The following WDR1 variants were observed in gnomAD, a reference collection of about 807,000 sequenced individuals.
WDR1 encodes the protein WD repeat-containing protein 1.
In WDR1, 21 loss-of-function variants were observed where a neutral mutation model predicts 71.9. The observed-to-expected ratio is 0.29, with a 90% CI of 0.21 to 0.42. The LOEUF is 0.42. Ranked by LOEUF, WDR1 falls within the 10% of genes least tolerant of loss-of-function variation. The probability of loss-of-function intolerance (pLI) is 1.00; values close to 1 mark genes in which losing one functional copy is unlikely to be tolerated. For missense variants in WDR1, 696 were observed against 824.5 expected, an observed-to-expected ratio of 0.84 and a Z score of 1.91; for synonymous variants, 424 against 347.4, an observed-to-expected ratio of 1.22 and a Z score of -2.45.
chr4:10,099,536 C>T (rs1040766110), intron 3 of WDR1, among the ~76,000 whole-genome samples: 4 of 152,384 alleles, frequency 2.6e-5, no homozygotes, highest in East Asian at 1.9e-4. Flanking sequence ...ATCAGAATGA[C>T]GTGTGGGCCT....
rs764864712 is a variant in WDR1 at position 10,116,185 on chromosome 4, G to T, written c.66C>A (p.Ile22=). ...LPQVERGVSK[I]IGGDPKGNNF... Reference sequence around the variant, plus strand: ...TGTTGCCCTTAGGGTCGCCGCCGATGATCTTGGAGACGCCCCTCTCCACCT... The same window carrying T: ...TGTTGCCCTTAGGGTCGCCGCCGATTATCTTGGAGACGCCCCTCTCCACCT... The change falls in exon 2 of 15, where the codon ATC becomes ATA. Residue 22 remains isoleucine (I), a synonymous_variant. Transcript: ENST00000499869. The T allele has an allele frequency of 5.0e-6, 8 of 1,613,664 alleles. No homozygotes were observed. The highest frequency in any genetic ancestry group is 1.3e-5 in the African/African-American group (1 of 74,938).
At chr4:10,093,218 G>T in intron 5 of WDR1, 1 of 1,175,808 alleles carries the variant, frequency 8.5e-7, no homozygotes, top group Non-Finnish European at 1.1e-6. Context: ...ATTCCCCCCA[G>T]CCTCAGCTGA....
intron 12 of WDR1, 194 bp downstream of exon 12, chr4:10,078,697 G>A (rs766126123): frequency 4.1e-5 from 22 of 537,102 alleles, no homozygotes; most frequent in Non-Finnish European, 5.9e-5. Context: ...GGAGGGGAGG[G>A]GAAGGCTCCA....
intron 8 of WDR1, among the ~76,000 whole-genome samples, chr4:10,085,096 G>A (rs1021095836): frequency 6.6e-6 from 1 of 152,234 alleles, no homozygotes; most frequent in African/African-American, 2.4e-5. Flanking sequence ...GCAGTGGAGG[G>A]CACACAAGGC....
chr4:10,106,203 G>A (rs1713006296), intron 2 of WDR1, among the ~76,000 whole-genome samples: 1 of 152,172 alleles, frequency 6.6e-6, no homozygotes, highest in African/African-American at 2.4e-5. Context: ...CATCTGTCAA[G>A]ATCCAAGCCA....
intron 8 of WDR1, among the ~76,000 whole-genome samples, chr4:10,086,679 G>A (rs900522704): frequency 1.3e-5 from 2 of 152,218 alleles, no homozygotes; most frequent in Non-Finnish European, 2.9e-5. Context: ...AGAGCTCCAC[G>A]GCAGCAGGAT....
intron 3 of WDR1, 41 bp from the exon 4 acceptor site, chr4:10,099,180 T>TGGGGGGGGG: frequency 2.3e-5 from 4 of 173,724 alleles, no homozygotes; most frequent in Non-Finnish European, 3.3e-5. Context: ...GAGGCGGTGG[T>TGGGGGGGGG]GGGGTAAAGG....
intron 3 of WDR1, among the ~76,000 whole-genome samples, chr4:10,100,251 G>A (rs1476581669): frequency 6.6e-6 from 1 of 152,218 alleles, no homozygotes; most frequent in Non-Finnish European, 1.5e-5. Context: ...GGGAGCAGGG[G>A]CCCTGGGTTC....
intron 2 of WDR1, chr4:10,106,350 T>C (rs893373376): frequency 2.6e-5 from 4 of 152,226 alleles, no homozygotes; most frequent in African/African-American, 9.7e-5. Context: ...CACTGACACA[T>C]CCCTACCCAA....
chr4:10,083,281 C>T (rs185521163), intron 9 of WDR1, 103 bp from the exon 10 acceptor site: 64 of 1,392,088 alleles, frequency 4.6e-5, no homozygotes, highest in Non-Finnish European at 5.2e-5. Context: ...ATGAGAATCT[C>T]GCCGCAAACG....
intron 9 of WDR1, among the ~76,000 whole-genome samples, 163 bp from the exon 10 acceptor site, chr4:10,083,341 T>C (rs916740026): frequency 3.2e-4 from 48 of 152,194 alleles, no homozygotes; most frequent in Admixed American, 6.5e-5. Flanking sequence ...GTTGACACGT[T>C]CTTAGGAAGG....
At chr4:10,093,644 C>A (rs1047472998) in intron 5 of WDR1, among the ~76,000 whole-genome samples, 1 of 152,240 alleles carries the variant, frequency 6.6e-6, no homozygotes, top group South Asian at 2.1e-4. Context: ...GTCCTTGGGG[C>A]ACCTACTGGC....
intron 2 of WDR1, among the ~76,000 whole-genome samples, chr4:10,113,893 G>C (rs1032083010): frequency 6.6e-6 from 1 of 152,218 alleles, no homozygotes; most frequent in Non-Finnish European, 1.5e-5. Flanking sequence ...CACAAATTTG[G>C]CTTGGAGTAT....
rs2109631480 is a variant in WDR1, at chr4:10,077,154, G to A, written c.1714+150C>T. 3 of 1,146,212 alleles carry A rather than the reference G, an allele frequency of 2.6e-6. No homozygotes were observed. The South Asian group carries it at 4.9e-5, about 19-fold the overall frequency. 71.0% of individuals were successfully genotyped at this position (1,146,212 alleles called of 1,614,324 possible). ...CAGCGCAGCTGGTGTTTGCTGGATGGAAGGAGACCCACAACTCTTCCGGGC... is the reference window on the plus strand; with the variant it reads ...CAGCGCAGCTGGTGTTTGCTGGATGAAAGGAGACCCACAACTCTTCCGGGC... On this transcript the variant is annotated intron_variant, in intron 14 of 14. Transcript: ENST00000499869.
At position 10,081,394 on chromosome 4, in the gene WDR1, C is replaced by G. The variant is rs1390512517; in HGVS notation, c.1247G>C (p.Gly416Ala). The change falls in exon 11 of 15, where the codon GGC (glycine) becomes GCC (alanine). Residue 416 changes from glycine (G) to alanine (A), a missense_variant. Coordinates refer to ENST00000499869, the MANE Select transcript of WDR1 (RefSeq NM_017491.5). ...CACGACCACGGCGTATCCCCCGGGGCCGACGGCTACGCACTTTGGCTGAAC... is the reference window on the plus strand; with the variant it reads ...CACGACCACGGCGTATCCCCCGGGGGCGACGGCTACGCACTTTGGCTGAAC... ...LDVQPKCVAVGPGGYAVVVCI... is the reference protein window; with the variant it reads ...LDVQPKCVAVAPGGYAVVVCI... 3 of 1,613,916 alleles carry G rather than the reference C, an allele frequency of 1.9e-6. No homozygotes were observed. The highest frequency in any genetic ancestry group is 2.5e-6 in the Non-Finnish European group (3 of 1,179,872).
chr4:10,091,143 G>C (rs1711949956), intron 5 of WDR1, among the ~76,000 whole-genome samples: 1 of 152,282 alleles, frequency 6.6e-6, no homozygotes, highest in South Asian at 2.1e-4. Context: ...CTAGGAGATG[G>C]AACGGGGAAC....
chr4:10,112,371 ACAGT>A (rs1248207507), intron 2 of WDR1, among the ~76,000 whole-genome samples: 1 of 152,172 alleles, frequency 6.6e-6, no homozygotes. Flanking sequence ...TCTCTCAAAC[ACAGT>A]GTACATATGG....
Position 10,088,333 on chromosome 4 carries a change from G to A in WDR1, c.677C>T (p.Ala226Val), listed in dbSNP as rs781406373. The A allele has an allele frequency of 8.3e-6, 13 of 1,559,288 alleles. No homozygotes were observed. The highest frequency in any genetic ancestry group is 1.9e-5 in the Admixed American group (1 of 52,478). The change falls in exon 7 of 15, where the codon GCG becomes GTG. Residue 226 changes from alanine (A) to valine (V), a missense_variant. Ala to Val is a moderately conservative substitution (Grantham distance 64, BLOSUM62 0). Transcript: ENST00000499869. The part of the protein sequence containing the change: ...YDGKTGEKVC[A>V]LGGSKAHDGG... ...GTCGTGGGCCTTGCTTCCGCCCAGC[G>A]CGCACACCTTCTCCCCAGTCTTCCC...
At chr4:10,116,566 C>G in intron 1 of WDR1, 85 bp downstream of exon 1, 1 of 1,055,220 alleles carries the variant, frequency 9.5e-7, no homozygotes. Flanking sequence ...AGGACTCCCC[C>G]GCCACCCGCA....
Sources: allele counts gnomAD v4.1 joint callset (sites outside exome capture counted in the v4.1 genomes callset), GRCh38; gene constraint gnomAD v4.1.1; transcripts MANE v1.5; gene names NCBI Gene and HGNC (gene_info 2026-07-23, HGNC 2026-07-21).